ADAMTSL1: variants seen among roughly 807,000 people sequenced by gnomAD.
The protein encoded by ADAMTSL1 is ADAMTS like 1.
ADAMTSL1 carries 126 observed loss-of-function variants against 201.8 expected under a neutral mutation model. The observed-to-expected ratio is 0.62, with a 90% confidence interval of 0.54 to 0.72. ADAMTSL1 has a LOEUF of 0.72. Ranked by LOEUF, ADAMTSL1 falls within the 30% of genes least tolerant of loss-of-function variation. The pLI, the probability that ADAMTSL1 is intolerant of heterozygous loss-of-function variation, is 0.00. For missense variants in ADAMTSL1, 2,679 were observed against 2,277.8 expected (o/e 1.18, Z -3.59); for synonymous variants, 1,121 against 903.4 (o/e 1.24, Z -4.32).
chr9:18,813,794 G>C (rs1179632358), intron 20 of ADAMTSL1, among the ~76,000 whole-genome samples: 1 of 152,152 alleles, frequency 6.6e-6, no homozygotes, highest in Admixed American at 6.5e-5. Flanking sequence ...CAATTTGAAT[G>C]CCCTTTATAT....
intron 19 of ADAMTSL1, among the ~76,000 whole-genome samples, chr9:18,782,292 T>A (rs1821439152): frequency 6.6e-6 from 1 of 152,226 alleles, no homozygotes; most frequent in Non-Finnish European, 1.5e-5. Flanking sequence ...AACTATAATA[T>A]GCCAGGTATA....
chr9:18,161,815 G>C (rs554272576), intron 1 of ADAMTSL1, among the ~76,000 whole-genome samples: 1 of 152,010 alleles, frequency 6.6e-6, no homozygotes, highest in Admixed American at 6.6e-5. Context: ...AATTTTAAAC[G>C]TAGCAGGAGT....
At chr9:18,775,660 TTTTGATGAG>T in intron 17 of ADAMTSL1, 74 bp from the exon 18 acceptor site, 1 of 1,518,664 alleles carries the variant, frequency 6.6e-7, no homozygotes, top group South Asian at 1.2e-5. Flanking sequence ...ATTTCTCATA[TTTTGATGAG>T]TTTGACAGTC....
intron 1 of ADAMTSL1, among the ~76,000 whole-genome samples, chr9:18,030,600 A>C (rs1820909687): frequency 6.6e-6 from 1 of 152,168 alleles, no homozygotes; most frequent in Non-Finnish European, 1.5e-5. Flanking sequence ...GACCTTGAAA[A>C]AGTCGGATGA....
intron 2 of ADAMTSL1, among the ~76,000 whole-genome samples, chr9:18,262,345 A>G (rs1015767900): frequency 3.3e-5 from 5 of 152,238 alleles, no homozygotes. Flanking sequence ...TCCAGAAGGA[A>G]TGGAGGCCCA....
intron 15 of ADAMTSL1, among the ~76,000 whole-genome samples, chr9:18,749,742 G>C (rs1819355858): frequency 6.6e-6 from 1 of 152,190 alleles, no homozygotes; most frequent in Admixed American, 6.5e-5. Context: ...CCCTTCATTG[G>C]CCTAAGTTGA....
At chr9:18,086,643 C>G (rs887047520) in intron 1 of ADAMTSL1, among the ~76,000 whole-genome samples, 1 of 152,168 alleles carries the variant, frequency 6.6e-6, no homozygotes, top group Non-Finnish European at 1.5e-5. Flanking sequence ...ATATTAAATA[C>G]TATCTTCAGT....
chr9:18,296,197 C>G (rs1362322218), intron 2 of ADAMTSL1, among the ~76,000 whole-genome samples: 2 of 152,070 alleles, frequency 1.3e-5, no homozygotes, highest in African/African-American at 2.4e-5. Flanking sequence ...TTGAGCAAGT[C>G]AAGATCTTTA....
At chr9:17,964,097 T>G (rs1334477093) in intron 1 of ADAMTSL1, among the ~76,000 whole-genome samples, 1 of 152,138 alleles carries the variant, frequency 6.6e-6, no homozygotes, top group East Asian at 1.9e-4. Flanking sequence ...CCACCTGCTG[T>G]TTGAAGATTG....
chr9:18,607,797 A>G (rs1825123977), intron 4 of ADAMTSL1, among the ~76,000 whole-genome samples: 1 of 148,860 alleles, frequency 6.7e-6, no homozygotes, highest in African/African-American at 2.5e-5. Flanking sequence ...CTCATTGTTC[A>G]GTTCCCACCT....
intron 3 of ADAMTSL1, among the ~76,000 whole-genome samples, chr9:18,571,424 T>G (rs1266050545): frequency 6.6e-6 from 1 of 152,214 alleles, no homozygotes; most frequent in Non-Finnish European, 1.5e-5. Context: ...TTCAGTATAA[T>G]GAAGTACTGT....
chr9:18,606,478 G>A (rs572515536), intron 4 of ADAMTSL1, among the ~76,000 whole-genome samples: 13 of 152,146 alleles, frequency 8.5e-5, no homozygotes, highest in African/African-American at 2.4e-4. Context: ...CAGAGCGCTC[G>A]CATGAGTAGC....
intron 1 of ADAMTSL1, among the ~76,000 whole-genome samples, chr9:18,026,116 C>G (rs1352459725): frequency 6.6e-6 from 1 of 151,908 alleles, no homozygotes; most frequent in Non-Finnish European, 1.5e-5. Context: ...TTGGTAGAGT[C>G]TTTAGAGTTT....
At chr9:18,073,144 C>G (rs1204740216) in intron 1 of ADAMTSL1, among the ~76,000 whole-genome samples, 1 of 152,162 alleles carries the variant, frequency 6.6e-6, no homozygotes, top group Non-Finnish European at 1.5e-5. Context: ...CGTGTTTTCT[C>G]TTCATGCTAA....
At chr9:18,367,317 T>C (rs973195189) in intron 2 of ADAMTSL1, among the ~76,000 whole-genome samples, 2 of 152,174 alleles carry the variant, frequency 1.3e-5, no homozygotes, top group Non-Finnish European at 2.9e-5. Flanking sequence ...CATAAGAATT[T>C]AGTTACTGGA....
intron 1 of ADAMTSL1, among the ~76,000 whole-genome samples, chr9:18,043,322 GA>G (rs1821510280): frequency 6.6e-6 from 1 of 152,078 alleles, no homozygotes; most frequent in South Asian, 2.1e-4. Flanking sequence ...GGTTAGTTGG[GA>G]AAAAATGCCC....
At chr9:18,526,175 T>C (rs1819031787) in intron 2 of ADAMTSL1, among the ~76,000 whole-genome samples, 1 of 152,238 alleles carries the variant, frequency 6.6e-6, no homozygotes, top group African/African-American at 2.4e-5. Context: ...GTTGTTGAAT[T>C]GATCCCTTTA....
intron 2 of ADAMTSL1, among the ~76,000 whole-genome samples, chr9:18,419,423 T>G (rs1455646643): frequency 6.6e-6 from 1 of 152,200 alleles, no homozygotes; most frequent in African/African-American, 2.4e-5. Flanking sequence ...GTACTTACCA[T>G]GTAACCCAGT....
At chr9:18,013,825 A>G (rs1041468521) in intron 1 of ADAMTSL1, among the ~76,000 whole-genome samples, 1 of 152,024 alleles carries the variant, frequency 6.6e-6, no homozygotes, top group African/African-American at 2.4e-5. Flanking sequence ...GGAGCTTCTC[A>G]TCTTGCCAGT....
Sources: allele counts gnomAD v4.1 joint callset (sites outside exome capture counted in the v4.1 genomes callset), GRCh38; gene constraint gnomAD v4.1.1; transcripts MANE v1.5; gene names NCBI Gene and HGNC (gene_info 2026-07-23, HGNC 2026-07-21).